The following MAML3 variants were observed in gnomAD, a reference collection of about 807,000 sequenced individuals.
MAML3 encodes the protein mastermind like transcriptional coactivator 3.
Under a neutral mutation model 101.9 loss-of-function variants are expected in MAML3, and 27 were observed. That is an observed-to-expected ratio of 0.27 (90% CI 0.20 to 0.37). The LOEUF (loss-of-function observed/expected upper bound fraction) is 0.37, where lower values mean the gene tolerates loss of function less well. Among genes scored for constraint, MAML3 ranks in the 10% least tolerant of loss-of-function variants. The pLI, the probability that MAML3 is intolerant of heterozygous loss-of-function variation, is 1.00. For missense variants in MAML3, 1,316 were observed against 1,444.9 expected, an observed-to-expected ratio of 0.91 and a Z score of 1.45; for synonymous variants, 501 against 555.9, an observed-to-expected ratio of 0.90 and a Z score of 1.39.
At chr4:139,826,283 A>G (rs1731059438) in intron 2 of MAML3, among the ~76,000 whole-genome samples, 1 of 152,076 alleles carries the variant, frequency 6.6e-6, no homozygotes, top group African/African-American at 2.4e-5. Context: ...TGTGTATGCC[A>G]CAAGGAGTAT....
intron 1 of MAML3, among the ~76,000 whole-genome samples, chr4:140,104,414 A>ATATATATATAT (rs1728314940): frequency 2.8e-4 from 6 of 21,528 alleles, no homozygotes; most frequent in Admixed American, 4.9e-4. Flanking sequence ...ATATAATATA[A>ATATATATATAT]TATATAATAT....
intron 1 of MAML3, among the ~76,000 whole-genome samples, chr4:140,040,598 C>A (rs1303792817): frequency 6.6e-6 from 1 of 152,152 alleles, no homozygotes; most frequent in African/African-American, 2.4e-5. Context: ...TCAAAGCACA[C>A]CCCTTCAAAA....
intron 1 of MAML3, among the ~76,000 whole-genome samples, chr4:140,128,498 T>C (rs1376907777): frequency 6.6e-6 from 1 of 152,246 alleles, no homozygotes; most frequent in Non-Finnish European, 1.5e-5. Context: ...ACTTGGGTTC[T>C]GTTAGGGAAT....
intron 1 of MAML3, among the ~76,000 whole-genome samples, chr4:139,963,074 C>G (rs557085333): frequency 1.3e-5 from 2 of 152,042 alleles, no homozygotes; most frequent in Non-Finnish European, 2.9e-5. Flanking sequence ...CTCTTCAGAT[C>G]GTTTTGGGAA....
At chr4:139,753,194 C>A (rs779397344) in intron 2 of MAML3, among the ~76,000 whole-genome samples, 1 of 152,120 alleles carries the variant, frequency 6.6e-6, no homozygotes, top group Non-Finnish European at 1.5e-5. Flanking sequence ...ATTTTAACTC[C>A]TTTTAAGTGT....
intron 1 of MAML3, among the ~76,000 whole-genome samples, chr4:140,091,978 C>G (rs1455462753): frequency 1.3e-5 from 2 of 151,478 alleles, no homozygotes; most frequent in Non-Finnish European, 2.9e-5. Context: ...TCAAACGAGA[C>G]TATACACTCC....
intron 1 of MAML3, among the ~76,000 whole-genome samples, chr4:140,082,538 T>C (rs1195805856): frequency 6.6e-6 from 1 of 152,132 alleles, no homozygotes; most frequent in Non-Finnish European, 1.5e-5. Flanking sequence ...CTGCCCACAG[T>C]AGTGTCGTTA....
At chr4:139,992,846 C>T (rs1210159141) in intron 1 of MAML3, among the ~76,000 whole-genome samples, 2 of 152,104 alleles carry the variant, frequency 1.3e-5, no homozygotes, top group Non-Finnish European at 2.9e-5. Flanking sequence ...CGTGAGCCAC[C>T]GCACCGAGCC....
intron 2 of MAML3, among the ~76,000 whole-genome samples, chr4:139,775,460 C>G (rs950218277): frequency 5.3e-5 from 8 of 152,036 alleles, no homozygotes; most frequent in Non-Finnish European, 1.2e-4. Flanking sequence ...TTCCTCTCTG[C>G]TTGAGGCTAG....
chr4:139,801,684 G>A (rs1055598346), intron 2 of MAML3, among the ~76,000 whole-genome samples: 4 of 126,804 alleles, frequency 3.2e-5, no homozygotes, highest in Non-Finnish European at 6.9e-5. Context: ...GTGTGTGTCT[G>A]TGTGTGTGTG....
At chr4:139,866,753 G>A (rs549108738) in intron 2 of MAML3, among the ~76,000 whole-genome samples, 35 of 152,268 alleles carry the variant, frequency 2.3e-4, no homozygotes, top group African/African-American at 7.7e-4. Flanking sequence ...GGGAGCAGTC[G>A]GCAATTCCAG....
chr4:139,847,336 A>G (rs1731468301), intron 2 of MAML3, among the ~76,000 whole-genome samples: 1 of 152,218 alleles, frequency 6.6e-6, no homozygotes, highest in African/African-American at 2.4e-5. Context: ...GATCACTCAG[A>G]TTCAATCCGT....
chr4:140,081,384 A>G (rs1727859829), intron 1 of MAML3, among the ~76,000 whole-genome samples: 1 of 152,240 alleles, frequency 6.6e-6, no homozygotes, highest in Admixed American at 6.5e-5. Flanking sequence ...GAAAAATAGT[A>G]TATCCAAGGA....
At chr4:139,776,325 A>G (rs1730095841) in intron 2 of MAML3, among the ~76,000 whole-genome samples, 1 of 152,196 alleles carries the variant, frequency 6.6e-6, no homozygotes. Context: ...AGATCTGATT[A>G]TGTCTGAAAT....
intron 2 of MAML3, among the ~76,000 whole-genome samples, chr4:139,864,378 T>C (rs887798856): frequency 6.6e-6 from 1 of 152,164 alleles, no homozygotes; most frequent in African/African-American, 2.4e-5. Flanking sequence ...TCACTTGTGA[T>C]GAATAAAAAT....
intron 1 of MAML3, among the ~76,000 whole-genome samples, chr4:139,928,474 T>C (rs1348594662): frequency 6.6e-6 from 1 of 151,408 alleles, no homozygotes; most frequent in Non-Finnish European, 1.5e-5. Flanking sequence ...GCTCTGGGAG[T>C]GTAGAGGAAG....
intron 1 of MAML3, among the ~76,000 whole-genome samples, chr4:140,014,265 A>T (rs991555356): frequency 6.6e-6 from 1 of 152,228 alleles, no homozygotes; most frequent in African/African-American, 2.4e-5. Context: ...CCAACCAGAG[A>T]GTAGAGAAAT....
At chr4:139,879,936 G>A (rs1387964299) in intron 2 of MAML3, among the ~76,000 whole-genome samples, 1 of 152,160 alleles carries the variant, frequency 6.6e-6, no homozygotes, top group African/African-American at 2.4e-5. Context: ...ACTTTGGGAG[G>A]CTGAGGTGGG....
chr4:140,005,452 T>C (rs1266075658), intron 1 of MAML3, among the ~76,000 whole-genome samples: 2 of 152,232 alleles, frequency 1.3e-5, no homozygotes, highest in Non-Finnish European at 2.9e-5. Flanking sequence ...TTAAAACCAC[T>C]ATCTGTTTAC....
Sources: allele counts gnomAD v4.1 joint callset (sites outside exome capture counted in the v4.1 genomes callset), GRCh38; gene constraint gnomAD v4.1.1; transcripts MANE v1.5; gene names NCBI Gene and HGNC (gene_info 2026-07-23, HGNC 2026-07-21).